ERCC8: variants seen among roughly 807,000 people sequenced by gnomAD.
ERCC8 encodes ERCC excision repair 8, CSA ubiquitin ligase complex subunit, also known as DNA excision repair protein ERCC-8.
A neutral mutation model predicts 54.9 loss-of-function variants in ERCC8; 52 were observed. That is an observed-to-expected ratio of 0.95 (90% CI 0.76 to 1.19). ERCC8 has a LOEUF of 1.19. Among genes scored for constraint, ERCC8 ranks in the 50% most tolerant of loss-of-function variants. The pLI is 0.00. For synonymous variants in ERCC8, 146 were observed against 157.2 expected, an observed-to-expected ratio of 0.93 and a Z score of 0.53; for missense variants, 514 against 466.1, an observed-to-expected ratio of 1.10 and a Z score of -0.95.
intron 11 of ERCC8, among the ~76,000 whole-genome samples, chr5:60,875,887 T>C (rs545534854): frequency 3.5e-5 from 4 of 113,358 alleles, no homozygotes; most frequent in South Asian, 2.5e-4. Flanking sequence ...AATTTATTTA[T>C]TTTTTCTTTT....
At chr5:60,891,898 G>A (rs1579995863) in intron 9 of ERCC8, 4 of 473,804 alleles carry the variant, frequency 8.4e-6, no homozygotes, top group African/African-American at 6.0e-5. Flanking sequence ...TGGAACTGGT[G>A]CTTGGATCGG....
At chr5:60,880,817 C>T (rs890126953) in intron 11 of ERCC8, among the ~76,000 whole-genome samples, 1 of 152,146 alleles carries the variant, frequency 6.6e-6, no homozygotes, top group Non-Finnish European at 1.5e-5. Flanking sequence ...CAAACTTCCT[C>T]CTTTAGCCCG....
At position 60,899,700 on chromosome 5, in the gene ERCC8, A is replaced by G. The variant is rs968180640; in HGVS notation, c.645T>C (p.Asp215=). 3 of 1,612,064 alleles carry G rather than the reference A, an allele frequency of 1.9e-6. No homozygotes were observed. The African/African-American group carries it at 4.0e-5, about 22-fold the overall frequency. Reference sequence around the variant, plus strand: ...TCAAACATCCTGATGCTCTTCTCACATCCCATAATTTTACTCTACTGTCAG... The same window carrying G: ...TCAAACATCCTGATGCTCTTCTCACGTCCCATAATTTTACTCTACTGTCAG... ...ASADSRVKLW[D]VRRASGCLIT... The change falls in exon 8 of 12, where the codon GAT becomes GAC. Residue 215 remains aspartate (D), a synonymous_variant. Transcript: ENST00000676185.
chr5:60,891,667 T>C (rs1748563041), intron 9 of ERCC8, among the ~76,000 whole-genome samples: 1 of 151,446 alleles, frequency 6.6e-6, no homozygotes, highest in African/African-American at 2.4e-5. Context: ...ATATTCTTTT[T>C]TTTTTTTCCT....
chr5:60,898,469 A>G (rs1231802198), intron 8 of ERCC8, 69 bp from the exon 9 acceptor site: 17 of 1,549,258 alleles, frequency 1.1e-5, no homozygotes, highest in Non-Finnish European at 1.5e-5. Flanking sequence ...TTGATGATAT[A>G]ATTAAACATA....
chr5:60,938,073 ATATATATATATATTTTATTTTT>A (rs1750135453), intron 1 of ERCC8, among the ~76,000 whole-genome samples: 2 of 30,668 alleles, frequency 6.5e-5, no homozygotes, highest in African/African-American at 2.0e-4. Context: ...ATATATATAT[ATATATATATATATTTTATTTTT>A]TTTTTTTTTA....
At chr5:60,893,316 G>A (rs1404607614) in intron 9 of ERCC8, 3 of 882,596 alleles carry the variant, frequency 3.4e-6, no homozygotes, top group Non-Finnish European at 3.9e-6. Flanking sequence ...AACTCCTCCT[G>A]GCGTCTTAGG....
At position 60,873,269 on chromosome 5, in the gene ERCC8, T is replaced by C. The variant is rs1036113773; in HGVS notation, c.*1346A>G. On this transcript the variant is annotated 3_prime_UTR_variant, in exon 12 of 12. Coordinates refer to ENST00000676185, the MANE Select transcript of ERCC8 (RefSeq NM_000082.4). ...AAAACAGTATGTTGTACATGGTAAA[T>C]ACATACAATTTTATCTGCCAATTGG... 4.6e-5 allele frequency among the ~76,000 whole-genome samples: 7 copies of C among 152,156 alleles called. No homozygotes were observed. Among genetic ancestry groups the C allele is most frequent in the Non-Finnish European group, 1.0e-4 (7 of 68,020 alleles).
At chr5:60,880,298 A>AT in intron 11 of ERCC8, among the ~76,000 whole-genome samples, 1 of 152,004 alleles carries the variant, frequency 6.6e-6, no homozygotes, top group African/African-American at 2.4e-5. Flanking sequence ...TGCCCTTAAC[A>AT]TTTTTTCCTT....
At chr5:60,939,395 G>C (rs1750189200) in intron 1 of ERCC8, among the ~76,000 whole-genome samples, 1 of 152,084 alleles carries the variant, frequency 6.6e-6, no homozygotes, top group African/African-American at 2.4e-5. Flanking sequence ...AAGGGAAATT[G>C]GGTAAAATAT....
At chr5:60,908,283 A>G (rs1465511845) in intron 4 of ERCC8, among the ~76,000 whole-genome samples, 1 of 151,876 alleles carries the variant, frequency 6.6e-6, no homozygotes, top group Non-Finnish European at 1.5e-5. Context: ...CAAATCTAGA[A>G]CTCAAAAAAT....
intron 11 of ERCC8, among the ~76,000 whole-genome samples, chr5:60,882,041 C>T (rs1748251158): frequency 6.6e-6 from 1 of 152,160 alleles, no homozygotes; most frequent in African/African-American, 2.4e-5. Context: ...CGGGGTTTCA[C>T]CGTGTTAGCC....
In ERCC8 at chr5:60,874,587, A is replaced by G; in HGVS notation, c.*28T>C. Reference sequence around the variant, plus strand: ...ACAGTCTCATTTAAAAAGTTTCAGCAGAGACAAAAAGGTACTAAAGATGAT... The same window carrying G: ...ACAGTCTCATTTAAAAAGTTTCAGCGGAGACAAAAAGGTACTAAAGATGAT... On this transcript the variant is annotated 3_prime_UTR_variant, in exon 12 of 12. Transcript: ENST00000676185. 6.2e-7 allele frequency: 1 copy of G among 1,604,672 alleles called. No homozygotes were observed. The highest frequency in any genetic ancestry group is 8.5e-7 in the Non-Finnish European group (1 of 1,172,118).
intron 11 of ERCC8, among the ~76,000 whole-genome samples, chr5:60,883,461 C>A (rs1312911400): frequency 1.3e-5 from 2 of 152,140 alleles, no homozygotes; most frequent in Non-Finnish European, 2.9e-5. Context: ...ATCTATATCT[C>A]ACCAGGTTGT....
At chr5:60,903,752 A>C (rs757206580) in intron 5 of ERCC8, 36 bp from the exon 6 acceptor site, 14 of 1,594,334 alleles carry the variant, frequency 8.8e-6, no homozygotes, top group Admixed American at 5.0e-5. Flanking sequence ...TAATTTTATC[A>C]TAAGTCATCA....
chr5:60,876,387 A>G (rs1748008535), intron 11 of ERCC8, among the ~76,000 whole-genome samples: 2 of 152,206 alleles, frequency 1.3e-5, no homozygotes, highest in African/African-American at 4.8e-5. Context: ...TCCTTTGGGT[A>G]TATACCCAGT....
rs1014377893 is a variant in ERCC8, at chr5:60,866,988, G to C, written c.*7627C>G. On this transcript the variant is annotated 3_prime_UTR_variant, in exon 12 of 12. Transcript: ENST00000676185. The stretch of plus-strand genomic sequence containing the variant: ...GCCTCCCAAATAGCTGGGACTACAA[G>C]TGCCCGCCTAATTTTTTTTTTGTAT... The C allele has an allele frequency of 5.3e-5, 8 of 151,936 alleles. No homozygotes were observed. Among genetic ancestry groups the C allele is most frequent in the Admixed American group, 3.3e-4 (5 of 15,248 alleles). The allele number at this position is 151,936 out of a possible 1,614,324, so 9.4% of individuals were successfully genotyped here.
Position 60,938,349 on chromosome 5 carries a change from A to AT in ERCC8, c.77+6582_77+6583insA, listed in dbSNP as rs1561519358. On this transcript the variant is annotated intron_variant, in intron 1 of 11. Transcript: ENST00000676185. ...GGCCTGTAAGATAGCTACCTTTTTG[A>AT]ATTTTTTTTTTTTTTTTTTTTTTGA... 1.1e-3 allele frequency among the ~76,000 whole-genome samples: 123 copies of AT among 108,728 alleles called. 7 individuals carry two copies. Among genetic ancestry groups the AT allele is most frequent in the African/African-American group, 2.4e-3 (57 of 23,904 alleles). The allele number at this position is 108,728 out of a possible 152,430, so 71.3% of individuals were successfully genotyped here.
intron 11 of ERCC8, among the ~76,000 whole-genome samples, chr5:60,876,337 C>T (rs1434677488): frequency 1.3e-5 from 2 of 152,322 alleles, no homozygotes; most frequent in Non-Finnish European, 2.9e-5. Context: ...CCGCAATAAA[C>T]ATACGTGTGC....
Sources: gnomAD v4.1 joint callset for allele counts (sites outside exome capture counted in the v4.1 genomes callset) on GRCh38, gnomAD v4.1.1 for gene constraint, MANE v1.5 for transcripts, NCBI Gene and HGNC (gene_info 2026-07-23, HGNC 2026-07-21) for gene names.